SLC22A3: variants seen among roughly 807,000 people sequenced by gnomAD.
SLC22A3 encodes the protein solute carrier family 22 member 3.
Under a neutral mutation model 59.1 loss-of-function variants are expected in SLC22A3, and 51 were observed. The observed-to-expected ratio is 0.86, with a 90% CI of 0.69 to 1.09. SLC22A3 has a LOEUF of 1.09. SLC22A3 is among the 50% of genes least tolerant of loss of function. SLC22A3 has a pLI of 0.00. For missense variants in SLC22A3, 711 were observed against 726.3 expected (o/e 0.98, Z 0.24); for synonymous variants, 325 against 292.0 (o/e 1.11, Z -1.15).
chr6:160,443,770 G>T, intron 9 of SLC22A3, 28 bp downstream of exon 9: 1 of 1,379,554 alleles, frequency 7.2e-7, no homozygotes. Context: ...ATTCTTAAGA[G>T]CCTTCATCTA....
intron 1 of SLC22A3, among the ~76,000 whole-genome samples, chr6:160,354,855 A>C (rs1202648884): frequency 6.6e-6 from 1 of 152,150 alleles, no homozygotes; most frequent in Non-Finnish European, 1.5e-5. Flanking sequence ...ACTGGACCCC[A>C]CAGGTAGGTC....
In SLC22A3 at chr6:160,393,003, T is replaced by C. The variant is rs140242025; in HGVS notation, c.430-4976T>C. Among the ~76,000 whole-genome samples the C allele has an allele frequency of 1.9e-4, 29 of 152,114 alleles. No individual in the cohort carries two copies. In the East Asian group the frequency reaches 5.2e-3, roughly 27 times the overall value. Reference sequence around the variant, plus strand: ...CATTGACAACTCATCCCTAGAAAATTAAAACAGAAGCACATAGATATTGCA... The same window carrying C: ...CATTGACAACTCATCCCTAGAAAATCAAAACAGAAGCACATAGATATTGCA... On this transcript the variant is annotated intron_variant, in intron 1 of 10. Transcript: ENST00000275300.
intron 1 of SLC22A3, among the ~76,000 whole-genome samples, chr6:160,374,689 C>T (rs1490498640): frequency 1.3e-5 from 2 of 152,120 alleles, no homozygotes; most frequent in Non-Finnish European, 2.9e-5. Context: ...TCCCTTGACT[C>T]CCACCTCCTC....
At chr6:160,359,247 T>G (rs1369506157) in intron 1 of SLC22A3, among the ~76,000 whole-genome samples, 1 of 152,210 alleles carries the variant, frequency 6.6e-6, no homozygotes, top group Non-Finnish European at 1.5e-5. Context: ...ACAGCAGTTG[T>G]GGTGGGGCAC....
intron 1 of SLC22A3, among the ~76,000 whole-genome samples, chr6:160,363,642 T>C (rs74766318): frequency 0.044 from 6,671 of 152,192 alleles, 442 homozygotes; most frequent in African/African-American, 0.15. Flanking sequence ...TAGACCCTGT[T>C]CCTAATCCTC....
chr6:160,365,090 T>G (rs1462042185), intron 1 of SLC22A3, among the ~76,000 whole-genome samples: 1 of 152,190 alleles, frequency 6.6e-6, no homozygotes, highest in East Asian at 1.9e-4. Context: ...AACCATTAAG[T>G]TTTTAAAATC....
chr6:160,450,133 A>C (rs966077516), intron 10 of SLC22A3, among the ~76,000 whole-genome samples: 1 of 152,224 alleles, frequency 6.6e-6, no homozygotes, highest in Non-Finnish European at 1.5e-5. Context: ...GGGGTTTCCC[A>C]ATCCTAGTAA....
At position 160,387,128 on chromosome 6, in the gene SLC22A3, G is replaced by T. The variant is rs117224353; in HGVS notation, c.430-10851G>T. Among the ~76,000 whole-genome samples the T allele has an allele frequency of 7.0e-3, 1,069 of 152,338 alleles. 4 individuals carry two copies. Among genetic ancestry groups the T allele is most frequent in the South Asian group, 0.018 (85 of 4,822 alleles). ...ACAGGTCAGGACACAGACTTTGGTG[G>T]CAACTGCCCGAGCACCCACATAGCA... On this transcript the variant is annotated intron_variant, in intron 1 of 10. Coordinates refer to ENST00000275300, the MANE Select transcript of SLC22A3 (RefSeq NM_021977.4).
At chr6:160,393,106 A>G (rs1007766105) in intron 1 of SLC22A3, among the ~76,000 whole-genome samples, 1 of 151,958 alleles carries the variant, frequency 6.6e-6, no homozygotes, top group Non-Finnish European at 1.5e-5. Flanking sequence ...GCTTATAACT[A>G]AAGTAAAATA....
intron 5 of SLC22A3, among the ~76,000 whole-genome samples, chr6:160,431,683 G>A (rs1788155506): frequency 6.6e-6 from 1 of 151,930 alleles, no homozygotes; most frequent in South Asian, 2.1e-4. Context: ...CTTATACCAG[G>A]TATTTTTATG....
intron 2 of SLC22A3, among the ~76,000 whole-genome samples, chr6:160,403,513 T>C (rs1054953632): frequency 2.0e-5 from 3 of 151,896 alleles, no homozygotes; most frequent in Non-Finnish European, 4.4e-5. Context: ...TTTCCAAAGA[T>C]AGAAGTAGAG....
intron 2 of SLC22A3, among the ~76,000 whole-genome samples, chr6:160,403,282 A>G (rs1299919620): frequency 1.3e-5 from 2 of 151,974 alleles, no homozygotes; most frequent in African/African-American, 2.4e-5. Flanking sequence ...TGTGTTCACA[A>G]ATTTGATAAC....
chr6:160,414,991 G>A (rs2114869308), intron 5 of SLC22A3, among the ~76,000 whole-genome samples: 1 of 152,200 alleles, frequency 6.6e-6, no homozygotes, highest in East Asian at 1.9e-4. Flanking sequence ...TCTTTAGCAC[G>A]ATGAGATTTT....
intron 1 of SLC22A3, among the ~76,000 whole-genome samples, chr6:160,385,110 C>T (rs150037776): frequency 6.6e-6 from 1 of 152,296 alleles, no homozygotes; most frequent in Non-Finnish European, 1.5e-5. Context: ...TGATTAATTG[C>T]TCTCATTTTG....
chr6:160,363,573 C>A (rs1785098958), intron 1 of SLC22A3, among the ~76,000 whole-genome samples: 1 of 152,130 alleles, frequency 6.6e-6, no homozygotes, highest in Non-Finnish European at 1.5e-5. Flanking sequence ...TTTCCTGTGG[C>A]CTGGGGTGAG....
rs1020849103 is a variant in SLC22A3 at position 160,367,011 on chromosome 6, A to G, written c.429+18163A>G. ...AATCTCTGCTTGTTACCTAGTTCCA[A>G]AGTTGCTTCCACATTTTTGGGTATC... is the stretch of plus-strand genomic sequence containing the variant. On this transcript the variant is annotated intron_variant, in intron 1 of 10. Transcript: ENST00000275300. Among the ~76,000 whole-genome samples, 4 of 152,088 alleles carry G rather than the reference A, an allele frequency of 2.6e-5. No homozygotes were observed. The East Asian group carries it at 7.7e-4, about 29-fold the overall frequency.
At chr6:160,450,844 T>A (rs1323582038) in intron 10 of SLC22A3, 152 bp from the exon 11 acceptor site, 1 of 753,316 alleles carries the variant, frequency 1.3e-6, no homozygotes, top group African/African-American at 1.8e-5. Context: ...AGACAAAAAA[T>A]GATCCTGGAG....
intron 2 of SLC22A3, among the ~76,000 whole-genome samples, chr6:160,402,395 T>TG (rs1001933060): frequency 8.6e-5 from 13 of 151,918 alleles, no homozygotes; most frequent in African/African-American, 3.1e-4. Context: ...AGGCAAAAAC[T>TG]GTGATAAAAC....
chr6:160,397,463 C>T (rs1414752609), intron 1 of SLC22A3, among the ~76,000 whole-genome samples: 2 of 151,952 alleles, frequency 1.3e-5, no homozygotes, highest in African/African-American at 4.8e-5. Flanking sequence ...TGGCCAGGCG[C>T]GGTGGCTCAC....
Sources: allele counts gnomAD v4.1 joint callset (sites outside exome capture counted in the v4.1 genomes callset), GRCh38; gene constraint gnomAD v4.1.1; transcripts MANE v1.5; gene names NCBI Gene and HGNC (gene_info 2026-07-23, HGNC 2026-07-21).